The following NOS1 variants were observed in gnomAD, a reference collection of about 807,000 sequenced individuals.
NOS1 encodes the protein NOS type I.
NOS1 carries 51 observed loss-of-function variants against 164.5 expected under a neutral mutation model. The ratio of observed to expected loss-of-function variants is 0.31; its 90% CI spans 0.25 to 0.39. The LOEUF (loss-of-function observed/expected upper bound fraction) is 0.39. NOS1 is among the 10% of genes least tolerant of loss of function. NOS1 has a pLI of 1.00. For synonymous variants in NOS1, 719 were observed against 745.8 expected (o/e 0.96, Z 0.59); for missense variants, 1,362 against 1,885.6 (o/e 0.72, Z 5.14).
intron 3 of NOS1, chr12:117,309,215 G>T (rs1182949477): frequency 2.9e-6 from 1 of 349,392 alleles, no homozygotes; most frequent in Non-Finnish European, 4.0e-6. Context: ...TGACTTTTGA[G>T]GACAACATAA....
chr12:117,265,342 G>T lies in NOS1; in HGVS notation c.2110C>A (p.Arg704=), dbSNP rs79673175. The T allele has an allele frequency of 1.0e-4, 161 of 1,559,418 alleles. No individual in the cohort carries two copies. Among genetic ancestry groups the T allele is most frequent in the Non-Finnish European group, 1.3e-4 (146 of 1,146,946 alleles). Residue 704 remains arginine, a synonymous_variant, in exon 12 of 29, where the codon CGG becomes AGG. Transcript: ENST00000317775. ...PVFHQEMLNY[R]LTPSFEYQPD... is the part of the protein sequence containing the mutation. Reference sequence around the variant, plus strand: ...TGGTATTCGAAGGAGGGGGTGAGCCGGTAGTTGAGCATCTCCTGGTGGAAC... The same window carrying T: ...TGGTATTCGAAGGAGGGGGTGAGCCTGTAGTTGAGCATCTCCTGGTGGAAC...
chr12:117,230,608 C>T (rs1408298322), intron 22 of NOS1, among the ~76,000 whole-genome samples: 1 of 152,168 alleles, frequency 6.6e-6, no homozygotes, highest in Non-Finnish European at 1.5e-5. Context: ...GAAGGAGCCC[C>T]CATTGGGAGC....
At chr12:117,227,706 T>C (rs2135934909) in intron 22 of NOS1, 65 bp from the exon 23 acceptor site, 1 of 1,510,214 alleles carries the variant, frequency 6.6e-7, no homozygotes, top group African/African-American at 1.4e-5. Context: ...CATGAGGACC[T>C]GAGGGGGTCC....
chr12:117,241,093 C>G (rs142795933), intron 20 of NOS1, among the ~76,000 whole-genome samples: 7,472 of 152,048 alleles, frequency 0.049, 266 homozygotes, highest in Non-Finnish European at 0.071. Context: ...GCCCCCACAA[C>G]CACGCCTGGC....
intron 17 of NOS1, among the ~76,000 whole-genome samples, chr12:117,250,031 C>T (rs1423436533): frequency 1.3e-5 from 2 of 152,124 alleles, no homozygotes; most frequent in African/African-American, 2.4e-5. Flanking sequence ...AGGATCAGGC[C>T]CTGCCCCTGA....
Position 117,208,935 on chromosome 12 carries a change from T to C in NOS1, c.*6374A>G. On this transcript the variant is annotated 3_prime_UTR_variant, in exon 29 of 29. Coordinates refer to ENST00000317775, the MANE Select transcript of NOS1 (RefSeq NM_000620.5). ...ACGAGGTTTTGCCATGTTAGCCAGG[T>C]TGGTCTCTAACTCCCAGCCTCAAGT... is the stretch of plus-strand genomic sequence containing the variant. The C allele has an allele frequency of 2.7e-6, 2 of 738,304 alleles. No homozygotes were observed. Among genetic ancestry groups the C allele is most frequent in the Non-Finnish European group, 1.7e-6 (1 of 604,140 alleles). The allele number at this position is 738,304 out of a possible 1,614,324, so 45.7% of individuals were successfully genotyped here.
At position 117,234,751 on chromosome 12, in the gene NOS1, T is replaced by C; in HGVS notation, c.3049A>G (p.Thr1017Ala). The C allele has an allele frequency of 6.2e-7, 1 of 1,607,766 alleles. No homozygotes were observed. Among genetic ancestry groups the C allele is most frequent in the Non-Finnish European group, 8.5e-7 (1 of 1,175,236 alleles). The change falls in exon 21 of 29, where the codon ACT becomes GCT. Residue 1017 changes from threonine to alanine, a missense_variant. Thr to Ala is a moderately conservative substitution (Grantham distance 58). Coordinates refer to ENST00000317775, the MANE Select transcript of NOS1 (RefSeq NM_000620.5). This position sits in a 1 kb window ranked among gnomAD's most constrained non-coding sequence, Gnocchi z 4.3. ...TTGGTGTGGAGACGCACGAAGATAGTTGACCGACTGCAGGAAATTGCAGAG... is the reference window on the plus strand; with the variant it reads ...TTGGTGTGGAGACGCACGAAGATAGCTGACCGACTGCAGGAAATTGCAGAG... ...NLQSPKSSRS[T>A]IFVRLHTNGS...
At chr12:117,334,583 T>G (rs1240555852) in intron 1 of NOS1, among the ~76,000 whole-genome samples, 1 of 152,018 alleles carries the variant, frequency 6.6e-6, no homozygotes, top group East Asian at 1.9e-4. Context: ...TTAGTAGAGA[T>G]AGGGTTTTGC....
At chr12:117,227,814 G>A (rs1234627598) in intron 22 of NOS1, among the ~76,000 whole-genome samples, 173 bp from the exon 23 acceptor site, 1 of 152,134 alleles carries the variant, frequency 6.6e-6, no homozygotes, top group Non-Finnish European at 1.5e-5. Context: ...ATCACTTGAG[G>A]CTAGGAGTTC....
At chr12:117,228,119 G>A (rs1316931514) in intron 22 of NOS1, among the ~76,000 whole-genome samples, 4 of 151,982 alleles carry the variant, frequency 2.6e-5, no homozygotes, top group Non-Finnish European at 4.4e-5. Flanking sequence ...GAAGAAAAAA[G>A]CAAGAAAGAA....
In NOS1 at chr12:117,267,849, C is replaced by T. The variant is rs559546078; in HGVS notation, c.1941+194G>A. ...CCCTGCCACCATTTGTTCATCTCTT[C>T]ATCAAATGGTCCCCACCCAAGATCC... On this transcript the variant is annotated intron_variant, in intron 11 of 28. Transcript: ENST00000317775. 2.9e-5 allele frequency among the ~76,000 whole-genome samples: 4 copies of T among 139,714 alleles called. No individual in the cohort carries two copies. The South Asian group carries it at 9.2e-4, about 32-fold the overall frequency. 91.7% of individuals were successfully genotyped at this position (139,714 alleles called of 152,430 possible).
At chr12:117,350,186 C>T (rs144697307) in intron 1 of NOS1, among the ~76,000 whole-genome samples, 1,619 of 152,226 alleles carry the variant, frequency 0.011, 17 homozygotes, top group Non-Finnish European at 0.016. Context: ...TCCTGAGATG[C>T]TATCATTAGA....
intron 1 of NOS1, among the ~76,000 whole-genome samples, chr12:117,345,199 T>C (rs1431499949): frequency 6.6e-6 from 1 of 152,056 alleles, no homozygotes; most frequent in Non-Finnish European, 1.5e-5. Context: ...ATTTTTATAT[T>C]TTTAGTGGAG....
chr12:117,307,809 G>C (rs533699969), intron 3 of NOS1, among the ~76,000 whole-genome samples: 12 of 151,820 alleles, frequency 7.9e-5, no homozygotes, highest in Non-Finnish European at 1.5e-4. Context: ...CTGAGGCCAG[G>C]AGTTCGAGAC....
At chr12:117,358,265 C>T (rs943635136) in intron 1 of NOS1, among the ~76,000 whole-genome samples, 2 of 152,210 alleles carry the variant, frequency 1.3e-5, no homozygotes, top group African/African-American at 4.8e-5. Context: ...AATGGTACCT[C>T]GGACAACTCT....
chr12:117,234,856 C>T lies in NOS1; in HGVS notation c.3042-98G>A. The T allele has an allele frequency of 9.8e-7, 1 of 1,015,486 alleles. No homozygotes were observed. The highest frequency in any genetic ancestry group is 1.4e-6 in the Non-Finnish European group (1 of 702,362). The allele number at this position is 1,015,486 out of a possible 1,614,324, so 62.9% of individuals were successfully genotyped here. On this transcript the variant is annotated intron_variant, in intron 20 of 28. Transcript: ENST00000317775. The surrounding 1 kb of genome is among the most constrained non-coding windows in gnomAD (Gnocchi z 4.3). ...GTCCTTGTTGGCTGCAATTCTCCTC[C>T]TTCCATTCTTGTTGGGGCCCGTGCT... is the stretch of plus-strand genomic sequence containing the variant.
chr12:117,247,957 A>G (rs1370831536), intron 17 of NOS1, among the ~76,000 whole-genome samples: 6 of 150,542 alleles, frequency 4.0e-5, no homozygotes, highest in Non-Finnish European at 8.9e-5. Context: ...AAAAAAAAAA[A>G]AAAGAAAAGA....
rs563885875 is a variant in NOS1 at position 117,221,437 on chromosome 12, C to A, written c.3976-1168G>T. Among the ~76,000 whole-genome samples the A allele has an allele frequency of 2.0e-5, 3 of 151,818 alleles. No individual in the cohort carries two copies. In the East Asian group the frequency reaches 5.8e-4, roughly 30 times the overall value. On this transcript the variant is annotated intron_variant, in intron 26 of 28. Transcript: ENST00000317775. ...GTGCTGGGACTACAAGAATGTGCCA[C>A]CGCGCCCAGCTAATTTTTATATTTT...
At chr12:117,335,031 C>T (rs955821628) in intron 1 of NOS1, among the ~76,000 whole-genome samples, 65 of 152,280 alleles carry the variant, frequency 4.3e-4, no homozygotes, top group African/African-American at 1.5e-3. Context: ...TTTGTAATCA[C>T]CTCGTCTCTG....
Sources: gnomAD v4.1 joint callset for allele counts (sites outside exome capture counted in the v4.1 genomes callset) on GRCh38, gnomAD v4.1.1 for gene constraint, Gnocchi (gnomAD v3.1) non-coding constraint, MANE v1.5 for transcripts, NCBI Gene and HGNC (gene_info 2026-07-23, HGNC 2026-07-21) for gene names.